CELSR2: variants seen among roughly 807,000 people sequenced by gnomAD.
The protein encoded by CELSR2 is cadherin EGF LAG seven-pass G-type receptor 2.
In CELSR2, 81 loss-of-function variants were observed where a neutral mutation model predicts 251.6. That is an observed-to-expected ratio of 0.32 (90% CI 0.27 to 0.39). The LOEUF (loss-of-function observed/expected upper bound fraction) is 0.39. Among genes scored for constraint, CELSR2 ranks in the 10% least tolerant of loss-of-function variants. CELSR2 has a pLI of 1.00. For synonymous variants in CELSR2, 1,721 were observed against 1,670.5 expected (o/e 1.03, Z -0.74); for missense variants, 3,365 against 3,947.7 (o/e 0.85, Z 3.96).
chr1:109,263,528 T>G, intron 8 of CELSR2, 83 bp from the exon 9 acceptor site: 1 of 1,547,046 alleles, frequency 6.5e-7, no homozygotes, highest in Non-Finnish European at 8.8e-7. Context: ...CTGCCTCCCG[T>G]GCAGCCGCCA....
Position 109,250,036 on chromosome 1 carries a change from C to G in CELSR2, c.-44C>G. 1 of 1,287,140 alleles carries G rather than the reference C, an allele frequency of 7.8e-7. No individual in the cohort carries two copies. The highest frequency in any genetic ancestry group is 9.8e-7 in the Non-Finnish European group (1 of 1,024,186). The allele number at this position is 1,287,140 out of a possible 1,614,324, so 79.7% of individuals were successfully genotyped here. Reference sequence around the variant, plus strand: ...GGGCCGGCAGGAGCCGGAGGAGGAGCCGCCGCCGCCGTTGACCCGGCCGCC... The same window carrying G: ...GGGCCGGCAGGAGCCGGAGGAGGAGGCGCCGCCGCCGTTGACCCGGCCGCC... On this transcript the variant is annotated 5_prime_UTR_variant, in exon 1 of 34. Transcript: ENST00000271332. This position sits in a 1 kb window ranked among gnomAD's most constrained non-coding sequence, Gnocchi z 4.4.
In CELSR2 at chr1:109,271,289, G is replaced by A. The variant is rs770704825; in HGVS notation, c.7669G>A (p.Gly2557Ser). 2 of 1,613,976 alleles carry A rather than the reference G, an allele frequency of 1.2e-6. No homozygotes were observed. Among genetic ancestry groups the A allele is most frequent in the Non-Finnish European group, 1.7e-6 (2 of 1,180,014 alleles). The change falls in exon 26 of 34, where the codon GGT becomes AGT. Residue 2557 changes from glycine (G) to serine (S), a missense_variant. Around this residue, in one of 5 missense-constraint regions of CELSR2, gnomAD observed 2,093 missense variants for 2,382.8 expected, o/e 0.88. Coordinates refer to ENST00000271332, the MANE Select transcript of CELSR2 (RefSeq NM_001408.3). The part of the protein sequence containing the change: ...AAQRQGFEKK[G>S]PVSGLQPSFA... Reference sequence around the variant, plus strand: ...CCAGCGGCAGGGCTTTGAGAAGAAAGGTCCTGTGTGAGTATAGGGTTGGGG... The same window carrying A: ...CCAGCGGCAGGGCTTTGAGAAGAAAAGTCCTGTGTGAGTATAGGGTTGGGG...
Position 109,270,095 on chromosome 1 carries a change from C to T in CELSR2, c.7270C>T (p.Leu2424=). The T allele has an allele frequency of 6.2e-7, 1 of 1,614,102 alleles. No homozygotes were observed. Among genetic ancestry groups the T allele is most frequent in the Non-Finnish European group, 8.5e-7 (1 of 1,179,990 alleles). The change falls in exon 23 of 34, where the codon CTG becomes TTG. Residue 2424 remains leucine, a synonymous_variant. Coordinates refer to ENST00000271332, the MANE Select transcript of CELSR2 (RefSeq NM_001408.3). The part of the protein sequence containing the change: ...NLTAALGLAQ[L]VFLLGINQAD... ...GACAGCTGCCCTGGGCCTGGCTCAGCTGGTCTTCCTCCTGGGAATCAACCA... is the reference window on the plus strand; with the variant it reads ...GACAGCTGCCCTGGGCCTGGCTCAGTTGGTCTTCCTCCTGGGAATCAACCA...
intron 30 of CELSR2, 22 bp from the exon 31 acceptor site, chr1:109,272,811 T>C: frequency 6.2e-7 from 1 of 1,613,172 alleles, no homozygotes; most frequent in Non-Finnish European, 8.5e-7. Context: ...GGGCTGGCTG[T>C]GATCTCTCCC....
At position 109,274,299 on chromosome 1, in the gene CELSR2, CA is replaced by C. The variant is rs1656467395; in HGVS notation, c.*253del. Reference sequence around the variant, plus strand: ...ACCCCTGGGGCCAACATCTCCAAGACAAAGTTTTTCAGAAAAGAGGAAAAAA... The same window carrying C: ...ACCCCTGGGGCCAACATCTCCAAGACAAGTTTTTCAGAAAAGAGGAAAAAA... On this transcript the variant is annotated 3_prime_UTR_variant, in exon 34 of 34. Transcript: ENST00000271332. 3.9e-6 allele frequency: 3 copies of C among 772,764 alleles called. No homozygotes were observed. The highest frequency in any genetic ancestry group is 5.8e-6 in the Non-Finnish European group (3 of 520,104). 47.9% of individuals were successfully genotyped at this position (772,764 alleles called of 1,614,324 possible). A position where few individuals can be genotyped will look rare whatever the true frequency, so the allele number is the denominator to read the frequency against.
At chr1:109,255,745 G>T (rs2101240582) in intron 1 of CELSR2, among the ~76,000 whole-genome samples, 1 of 152,334 alleles carries the variant, frequency 6.6e-6, no homozygotes, top group Non-Finnish European at 1.5e-5. Flanking sequence ...CCCCACCCCT[G>T]TTCCCATCCT....
At chr1:109,255,446 G>A (rs1655819546) in intron 1 of CELSR2, among the ~76,000 whole-genome samples, 1 of 152,158 alleles carries the variant, frequency 6.6e-6, no homozygotes. Context: ...CCCAGCCTGG[G>A]CCGATGGCTC....
In CELSR2 at chr1:109,273,620, C is replaced by A. The variant is rs200386563; in HGVS notation, c.8694C>A (p.Ile2898=). Residue 2898 remains isoleucine, a synonymous_variant, in exon 33 of 34, where the codon ATC becomes ATA. Coordinates refer to ENST00000271332, the MANE Select transcript of CELSR2 (RefSeq NM_001408.3). ...LQEQLNGVMP[I]AMSIKAGTVD... is the part of the protein sequence containing the mutation. ...AGCAGCTGAACGGGGTCATGCCCAT[C>A]GCCATGAGCATCAAGGCAGGCACGG... is the stretch of plus-strand genomic sequence containing the variant. The A allele has an allele frequency of 6.5e-7, 1 of 1,528,238 alleles. No homozygotes were observed. The highest frequency in any genetic ancestry group is 8.8e-7 in the Non-Finnish European group (1 of 1,134,360). 94.7% of individuals were successfully genotyped at this position (1,528,238 alleles called of 1,614,324 possible).
chr1:109,264,859 T>C lies in CELSR2; in HGVS notation c.5465-9T>C. 1.2e-6 allele frequency: 2 copies of C among 1,614,204 alleles called. No individual in the cohort carries two copies. Among genetic ancestry groups the C allele is most frequent in the Non-Finnish European group, 1.7e-6 (2 of 1,180,010 alleles). Reference sequence around the variant, plus strand: ...GGGGAATGAGCCTCTCTGGTCCTTCTGGTCCCAGGTTACTATGGTGACAAC... The same window carrying C: ...GGGGAATGAGCCTCTCTGGTCCTTCCGGTCCCAGGTTACTATGGTGACAAC... On this transcript the variant is annotated splice_polypyrimidine_tract_variant and intron_variant, in intron 11 of 33. Coordinates refer to ENST00000271332, the MANE Select transcript of CELSR2 (RefSeq NM_001408.3).
chr1:109,272,134 G>A, intron 28 of CELSR2, 144 bp from the exon 29 acceptor site: 1 of 1,111,128 alleles, frequency 9.0e-7, no homozygotes, highest in Non-Finnish European at 1.3e-6. Context: ...TCAATATGGG[G>A]ACAGCGGAGA....
At position 109,259,534 on chromosome 1, in the gene CELSR2, G is replaced by A. The variant is rs549856399; in HGVS notation, c.3958+455G>A. On this transcript the variant is annotated intron_variant, in intron 2 of 33. Coordinates refer to ENST00000271332, the MANE Select transcript of CELSR2 (RefSeq NM_001408.3). ...GGTGTTGGCCTTGATTTAAGGGAAC[G>A]CTGAGATTGGGTGACTTGCTCCTGG... Among the ~76,000 whole-genome samples, 9 of 152,180 alleles carry A rather than the reference G, an allele frequency of 5.9e-5. No individual in the cohort carries two copies. The East Asian group carries it at 9.6e-4, about 16-fold the overall frequency.
At position 109,269,795 on chromosome 1, in the gene CELSR2, T is replaced by C; in HGVS notation, c.7082T>C (p.Val2361Ala). 6.2e-7 allele frequency: 1 copy of C among 1,613,394 alleles called. No homozygotes were observed. The highest frequency in any genetic ancestry group is 8.5e-7 in the Non-Finnish European group (1 of 1,179,984). Residue 2361 changes from valine to alanine, a missense_variant, in exon 22 of 34, where the codon GTG becomes GCG. Physicochemically the swap from Val to Ala is moderately conservative, Grantham distance 64. Around this residue, in one of 5 missense-constraint regions of CELSR2, gnomAD observed 2,093 missense variants for 2,382.8 expected, o/e 0.88. Coordinates refer to ENST00000271332, the MANE Select transcript of CELSR2 (RefSeq NM_001408.3). This position sits in a 1 kb window ranked among gnomAD's most constrained non-coding sequence, Gnocchi z 6.4. Reference sequence around the variant, plus strand: ...TGCAACCACATGACGAGCTTCGCTGTGCTCATGGACGTTTCTCGGCGGGAG... The same window carrying C: ...TGCAACCACATGACGAGCTTCGCTGCGCTCATGGACGTTTCTCGGCGGGAG... ...CQCNHMTSFA[V>A]LMDVSRRENG...
rs755457163 is a variant in CELSR2 at position 109,272,987 on chromosome 1, G to T, written c.8298G>T (p.Gly2766=). The T allele has an allele frequency of 1.2e-6, 2 of 1,613,900 alleles. No individual in the cohort carries two copies. Among genetic ancestry groups the T allele is most frequent in the Non-Finnish European group, 1.7e-6 (2 of 1,179,906 alleles). ...AGCAGGGCTGGGATAGCCTGCTGGG[G>T]CCTGGAGCAGAGAGACTGCCCCTGC... ...PGEQGWDSLL[G]PGAERLPLHS... Residue 2766 remains glycine (G), a synonymous_variant, in exon 31 of 34, where the codon GGG becomes GGT. Coordinates refer to ENST00000271332, the MANE Select transcript of CELSR2 (RefSeq NM_001408.3).
At chr1:109,270,282 C>G in intron 23 of CELSR2, 144 bp from the exon 24 acceptor site, 1 of 1,258,636 alleles carries the variant, frequency 7.9e-7, no homozygotes, top group Admixed American at 1.9e-5. Context: ...GTGGCTCCCC[C>G]GGGATCCCCC....
intron 7 of CELSR2, 45 bp from the exon 8 acceptor site, chr1:109,263,097 A>G (rs745895942): frequency 1.9e-6 from 3 of 1,582,458 alleles, no homozygotes; most frequent in Non-Finnish European, 2.6e-6. Flanking sequence ...CTTTCTCTTT[A>G]GAGCCCCAGC....
At chr1:109,256,904 C>T (rs915257154) in intron 1 of CELSR2, among the ~76,000 whole-genome samples, 29 of 152,272 alleles carry the variant, frequency 1.9e-4, no homozygotes, top group African/African-American at 5.3e-4. Flanking sequence ...GTGATCCACC[C>T]GCCTCAGCCT....
chr1:109,252,290 G>C lies in CELSR2; in HGVS notation c.2211G>C (p.Thr737=). ...CCACGGTGGTGCTGATCAGCGCCAC[G>C]GATGAGGACACAGGTGAGAATGCCC... The part of the protein sequence containing the change: ...AGTTVVLISA[T]DEDTGENARI... Residue 737 remains threonine, a synonymous_variant, in exon 1 of 34, where the codon ACG becomes ACC. Transcript: ENST00000271332. This position sits in a 1 kb window ranked among gnomAD's most constrained non-coding sequence, Gnocchi z 4.8. The C allele has an allele frequency of 6.2e-7, 1 of 1,613,230 alleles. No individual in the cohort carries two copies. Among genetic ancestry groups the C allele is most frequent in the South Asian group, 1.1e-5 (1 of 91,082 alleles).
chr1:109,258,913 G>A lies in CELSR2; in HGVS notation c.3792G>A (p.Arg1264=). The stretch of plus-strand genomic sequence containing the variant: ...TCGCCTCCTCCTCCGTGCTCTTCCG[G>A]CCCATCCACCCCGTCGGAGGGCTGC... ...PFIASSSVLF[R]PIHPVGGLRC... Residue 1264 remains arginine (R), a synonymous_variant, in exon 2 of 34, where the codon CGG becomes CGA. Coordinates refer to ENST00000271332, the MANE Select transcript of CELSR2 (RefSeq NM_001408.3). 1 of 1,612,386 alleles carries A rather than the reference G, an allele frequency of 6.2e-7. No individual in the cohort carries two copies. Among genetic ancestry groups the A allele is most frequent in the Non-Finnish European group, 8.5e-7 (1 of 1,179,516 alleles).
Position 109,273,662 on chromosome 1 carries a change from A to G in CELSR2, c.8736A>G (p.Ser2912=). ...CAGGCACGGTGGATGAGGACTCGTCAGGCTCCGAGTGAGTGTGGCCGGGTG... is the reference window on the plus strand; with the variant it reads ...CAGGCACGGTGGATGAGGACTCGTCGGGCTCCGAGTGAGTGTGGCCGGGTG... ...IKAGTVDEDS[S]GSEFLFFNFL... is the part of the protein sequence containing the mutation. Residue 2912 remains serine, a synonymous_variant, in exon 33 of 34, where the codon TCA becomes TCG. Coordinates refer to ENST00000271332, the MANE Select transcript of CELSR2 (RefSeq NM_001408.3). 1 of 1,069,826 alleles carries G rather than the reference A, an allele frequency of 9.3e-7. No individual in the cohort carries two copies. Among genetic ancestry groups the G allele is most frequent in the South Asian group, 1.5e-5 (1 of 65,630 alleles). 66.3% of individuals were successfully genotyped at this position (1,069,826 alleles called of 1,614,324 possible).
Sources: allele counts gnomAD v4.1 joint callset (sites outside exome capture counted in the v4.1 genomes callset), GRCh38; gene constraint gnomAD v4.1.1; regional missense constraint gnomAD v4.1.1; non-coding constraint Gnocchi (gnomAD v3.1); transcripts MANE v1.5; gene names NCBI Gene and HGNC (gene_info 2026-07-23, HGNC 2026-07-21).